The following CHCHD4 variants were observed in gnomAD, a reference collection of about 807,000 sequenced individuals.
CHCHD4 encodes mitochondrial intermembrane space import and assembly protein 40.
In CHCHD4, 7 loss-of-function variants were observed where a neutral mutation model predicts 12.4. That is an observed-to-expected ratio of 0.57 (90% CI 0.32 to 1.06). The LOEUF is 1.06. Ranked by LOEUF, CHCHD4 falls within the 50% of genes least tolerant of loss-of-function variation. CHCHD4 has a pLI of 0.04. For missense variants in CHCHD4, 143 were observed against 175.1 expected (o/e 0.82, Z 1.03); for synonymous variants, 56 against 58.0 (o/e 0.97, Z 0.16).
At position 14,112,979 on chromosome 3, in the gene CHCHD4, C is replaced by T; in HGVS notation, c.337G>A (p.Glu113Lys). 2 of 1,613,434 alleles carry T rather than the reference C, an allele frequency of 1.2e-6. No homozygotes were observed. The highest frequency in any genetic ancestry group is 1.7e-6 in the Non-Finnish European group (2 of 1,179,696). The stretch of plus-strand genomic sequence containing the variant: ...GCTGGCTTCTTCTCTCTTTCCTCTT[C>T]CTCATCCTCATCCTCTTGGGGATAG... ...DLYPQEDEDEEEEREKKPAEQ... is the reference protein window; with the variant it reads ...DLYPQEDEDEKEEREKKPAEQ... The change falls in exon 3 of 3, where the codon GAA becomes AAA. Residue 113 changes from glutamate (E) to lysine (K), a missense_variant. Glu to Lys is a moderately conservative substitution (Grantham distance 56). Coordinates refer to ENST00000396914, the MANE Select transcript of CHCHD4 (RefSeq NM_001098502.2).
intron 1 of CHCHD4, among the ~76,000 whole-genome samples, chr3:14,117,685 C>A (rs1694890163): frequency 6.6e-6 from 1 of 152,204 alleles, no homozygotes; most frequent in South Asian, 2.1e-4. Context: ...ACAGACAGAG[C>A]CAGTCCATCT....
chr3:14,121,712 G>A (rs1204059478), intron 1 of CHCHD4, among the ~76,000 whole-genome samples: 1 of 152,202 alleles, frequency 6.6e-6, no homozygotes, highest in African/African-American at 2.4e-5. Context: ...CAGAGGGAGT[G>A]GTGCCTGTGG....
At position 14,124,738 on chromosome 3, in the gene CHCHD4, C is replaced by G; in HGVS notation, c.-62G>C. 1 of 1,497,242 alleles carries G rather than the reference C, an allele frequency of 6.7e-7. No individual in the cohort carries two copies. The highest frequency in any genetic ancestry group is 1.4e-5 in the African/African-American group (1 of 68,992). The allele number at this position is 1,497,242 out of a possible 1,614,324, so 92.7% of individuals were successfully genotyped here. A position where few individuals can be genotyped will look rare whatever the true frequency, so the allele number is the denominator to read the frequency against. ...GGTGGCGGCAGCTGCACCTTTACGC[C>G]GTGACCTCCCTCTCCTCTGGCAGGG... On this transcript the variant is annotated 5_prime_UTR_variant, in exon 1 of 3. Coordinates refer to ENST00000396914, the MANE Select transcript of CHCHD4 (RefSeq NM_001098502.2).
chr3:14,122,421 T>G (rs80234167), intron 1 of CHCHD4, among the ~76,000 whole-genome samples: 3,850 of 152,338 alleles, frequency 0.025, 174 homozygotes, highest in African/African-American at 0.088. Flanking sequence ...GAACAGGAGT[T>G]GGCAGGCTCT....
intron 1 of CHCHD4, among the ~76,000 whole-genome samples, chr3:14,117,238 C>A (rs1463310385): frequency 6.6e-6 from 1 of 152,218 alleles, no homozygotes; most frequent in Non-Finnish European, 1.5e-5. Context: ...CAACCAGAGC[C>A]CTCACCCTGG....
intron 1 of CHCHD4, among the ~76,000 whole-genome samples, chr3:14,117,389 G>C (rs141668827): frequency 1.3e-3 from 202 of 152,328 alleles, no homozygotes; most frequent in Non-Finnish European, 5.6e-4. Context: ...CAGGGTGGGT[G>C]CATTCACTGC....
At chr3:14,114,897 C>T (rs1694860049) in intron 2 of CHCHD4, among the ~76,000 whole-genome samples, 1 of 152,208 alleles carries the variant, frequency 6.6e-6, no homozygotes, top group Non-Finnish European at 1.5e-5. Flanking sequence ...CAGTCTCTGG[C>T]TGAGTCAGTC....
At position 14,113,074 on chromosome 3, in the gene CHCHD4, T is replaced by A. The variant is rs558968991; in HGVS notation, c.242A>T (p.Glu81Val). The A allele has an allele frequency of 1.2e-6, 2 of 1,614,074 alleles. No homozygotes were observed. The highest frequency in any genetic ancestry group is 2.2e-5 in the South Asian group (2 of 91,076). Residue 81 changes from glutamate to valine, a missense_variant, in exon 3 of 3, where the codon GAG (glutamate) becomes GTG (valine). Coordinates refer to ENST00000396914, the MANE Select transcript of CHCHD4 (RefSeq NM_001098502.2). ...AFSCFHYSTE[E>V]IKGSDCVDQF... ...GTCTACACAGTCTGACCCCTTGATC[T>A]CCTCCGTGCTATAGTGGAAGCAGGA...
At chr3:14,122,012 T>C (rs902058090) in intron 1 of CHCHD4, 1 of 1,613,484 alleles carries the variant, frequency 6.2e-7, no homozygotes, top group Non-Finnish European at 8.5e-7. Context: ...GGATCCTACC[T>C]TTGTCCCTGA....
chr3:14,118,849 C>G (rs1423989957), intron 1 of CHCHD4, among the ~76,000 whole-genome samples: 1 of 152,234 alleles, frequency 6.6e-6, no homozygotes. Context: ...TTTCGCAACT[C>G]AGCTCTGGCA....
At chr3:14,122,066 A>C in intron 1 of CHCHD4, 1 of 1,603,066 alleles carries the variant, frequency 6.2e-7, no homozygotes, top group Non-Finnish European at 8.5e-7. Context: ...ACATTCCAGA[A>C]GGAACCATCC....
At chr3:14,122,060 T>C in intron 1 of CHCHD4, 2 of 1,605,102 alleles carry the variant, frequency 1.2e-6, no homozygotes, top group Non-Finnish European at 8.5e-7. Context: ...GAATAGACAT[T>C]CCAGAAGGAA....
intron 1 of CHCHD4, among the ~76,000 whole-genome samples, chr3:14,118,256 T>C (rs1486226710): frequency 1.3e-5 from 2 of 152,164 alleles, no homozygotes; most frequent in Non-Finnish European, 2.9e-5. Context: ...GTGGCCACTG[T>C]GGGCGCAGAG....
At chr3:14,121,961 G>A (rs754779329) in intron 1 of CHCHD4, 4 of 1,614,104 alleles carry the variant, frequency 2.5e-6, no homozygotes, top group Non-Finnish European at 3.4e-6. Flanking sequence ...GGTCACAGAT[G>A]AATACGACAC....
At chr3:14,114,924 C>A (rs1182282057) in intron 2 of CHCHD4, among the ~76,000 whole-genome samples, 2 of 152,154 alleles carry the variant, frequency 1.3e-5, no homozygotes, top group African/African-American at 4.8e-5. Context: ...CCCGCCCAGG[C>A]CCCCAGTTTT....
At chr3:14,116,308 T>G in intron 2 of CHCHD4, 118 bp downstream of exon 2, 1 of 775,110 alleles carries the variant, frequency 1.3e-6, no homozygotes, top group Non-Finnish European at 2.3e-6. Context: ...GGTCTATGGC[T>G]GAGAATAGAT....
Position 14,122,902 on chromosome 3 carries a change from G to A in CHCHD4, c.22+1753C>T, listed in dbSNP as rs182628079. ...TACCAAACCAAGGGAATAGCCAAGA[G>A]GCTAGAGGCTGGGCAGCAAAAGGGT... On this transcript the variant is annotated intron_variant, in intron 1 of 2. Transcript: ENST00000396914. Among the ~76,000 whole-genome samples, 7 of 152,324 alleles carry A rather than the reference G, an allele frequency of 4.6e-5. No individual in the cohort carries two copies. The East Asian group carries it at 9.6e-4, about 21-fold the overall frequency.
At position 14,112,988 on chromosome 3, in the gene CHCHD4, C is replaced by T; in HGVS notation, c.328G>A (p.Glu110Lys). 6.2e-7 allele frequency: 1 copy of T among 1,613,772 alleles called. No individual in the cohort carries two copies. The highest frequency in any genetic ancestry group is 8.5e-7 in the Non-Finnish European group (1 of 1,179,844). Residue 110 changes from glutamate to lysine, a missense_variant, in exon 3 of 3, where the codon GAG becomes AAG. Coordinates refer to ENST00000396914, the MANE Select transcript of CHCHD4 (RefSeq NM_001098502.2). ...KYPDLYPQED[E>K]DEEEEREKKP... ...TTCTCTCTTTCCTCTTCCTCATCCT[C>T]ATCCTCTTGGGGATAGAGGTCTGGG...
chr3:14,113,332 T>A, intron 2 of CHCHD4, 138 bp from the exon 3 acceptor site: 1 of 689,584 alleles, frequency 1.5e-6, no homozygotes, highest in Non-Finnish European at 2.4e-6. Flanking sequence ...GGATTAGGTT[T>A]AAAGCCTAGC....
Sources: gnomAD v4.1 joint callset for allele counts (sites outside exome capture counted in the v4.1 genomes callset) on GRCh38, gnomAD v4.1.1 for gene constraint, MANE v1.5 for transcripts, NCBI Gene and HGNC (gene_info 2026-07-23, HGNC 2026-07-21) for gene names.